DGKB: variants seen among roughly 807,000 people sequenced by gnomAD.
DGKB encodes the protein 90 kDa diacylglycerol kinase.
DGKB carries 67 observed loss-of-function variants against 114.3 expected under a neutral mutation model. The ratio of observed to expected loss-of-function variants is 0.59; its 90% CI spans 0.48 to 0.72. The LOEUF (loss-of-function observed/expected upper bound fraction) is 0.72, where lower values mean the gene tolerates loss of function less well. Ranked by LOEUF, DGKB falls within the 30% of genes least tolerant of loss-of-function variation. DGKB has a pLI of 0.00. For synonymous variants in DGKB, 398 were observed against 323.1 expected, an observed-to-expected ratio of 1.23 and a Z score of -2.49; for missense variants, 907 against 975.2, an observed-to-expected ratio of 0.93 and a Z score of 0.93.
chr7:14,462,003 C>T (rs1584123747), intron 21 of DGKB, among the ~76,000 whole-genome samples: 1 of 151,822 alleles, frequency 6.6e-6, no homozygotes, highest in Admixed American at 6.6e-5. Context: ...AAGGACAAAA[C>T]CCACATGATT....
chr7:14,877,214 T>C (rs1171320833), intron 1 of DGKB, among the ~76,000 whole-genome samples: 1 of 152,206 alleles, frequency 6.6e-6, no homozygotes, highest in Non-Finnish European at 1.5e-5. Context: ...ATACGATTGC[T>C]GAGAGCTGGC....
At chr7:14,385,920 T>A (rs927931909) in intron 21 of DGKB, among the ~76,000 whole-genome samples, 1 of 152,216 alleles carries the variant, frequency 6.6e-6, no homozygotes, top group South Asian at 2.1e-4. Context: ...AAGTCACAAG[T>A]ACTGCCAATA....
chr7:14,186,963 C>A (rs111355284), intron 23 of DGKB, among the ~76,000 whole-genome samples: 1 of 151,940 alleles, frequency 6.6e-6, no homozygotes, highest in African/African-American at 2.4e-5. Flanking sequence ...CAAATAACCA[C>A]TAAAAAACTT....
At chr7:14,509,283 C>T (rs772579009) in intron 20 of DGKB, among the ~76,000 whole-genome samples, 11 of 151,944 alleles carry the variant, frequency 7.2e-5, no homozygotes, top group Non-Finnish European at 1.5e-4. Context: ...AGTTGGTCTC[C>T]CCTGTGTGAG....
chr7:14,857,869 T>A (rs1043193897), intron 1 of DGKB, among the ~76,000 whole-genome samples: 101 of 152,270 alleles, frequency 6.6e-4, no homozygotes, highest in African/African-American at 2.4e-3. Flanking sequence ...ATTATACACT[T>A]TTTTCATACC....
chr7:14,551,317 G>A (rs1343388299), intron 20 of DGKB, among the ~76,000 whole-genome samples: 2 of 152,190 alleles, frequency 1.3e-5, no homozygotes, highest in Non-Finnish European at 2.9e-5. Flanking sequence ...GATTTCAGAA[G>A]AACTAATGTG....
chr7:14,730,310 T>G (rs1830718956), intron 5 of DGKB, among the ~76,000 whole-genome samples: 1 of 152,180 alleles, frequency 6.6e-6, no homozygotes, highest in African/African-American at 2.4e-5. Context: ...GGGACAGGGA[T>G]GCTACAAGGG....
intron 17 of DGKB, among the ~76,000 whole-genome samples, chr7:14,595,197 G>A (rs1482977370): frequency 6.6e-6 from 1 of 152,046 alleles, no homozygotes; most frequent in Non-Finnish European, 1.5e-5. Flanking sequence ...GGGTTGTTAT[G>A]TAAGAAGGAG....
intron 2 of DGKB, among the ~76,000 whole-genome samples, chr7:14,822,431 G>A (rs1323882946): frequency 6.6e-6 from 1 of 152,094 alleles, no homozygotes; most frequent in Non-Finnish European, 1.5e-5. Context: ...AGAAATTATG[G>A]ATCTAGAAGC....
chr7:14,435,554 T>TTAAAA (rs1398151012), intron 21 of DGKB, among the ~76,000 whole-genome samples: 7 of 152,240 alleles, frequency 4.6e-5, no homozygotes, highest in Non-Finnish European at 1.0e-4. Flanking sequence ...ATAATAAACT[T>TTAAAA]CAAATAAATG....
intron 2 of DGKB, among the ~76,000 whole-genome samples, chr7:14,760,850 G>C (rs925404172): frequency 6.6e-6 from 1 of 152,106 alleles, no homozygotes; most frequent in Non-Finnish European, 1.5e-5. Context: ...GAAGGGGAAA[G>C]CTCATAAAAT....
At chr7:14,260,094 AC>A (rs1261408955) in intron 23 of DGKB, among the ~76,000 whole-genome samples, 6 of 62,718 alleles carry the variant, frequency 9.6e-5, no homozygotes, top group South Asian at 1.5e-3. Context: ...GTGTACACAC[AC>A]ACACACACAC....
intron 2 of DGKB, among the ~76,000 whole-genome samples, chr7:14,806,052 A>T (rs1177797915): frequency 6.6e-6 from 1 of 151,808 alleles, no homozygotes; most frequent in Non-Finnish European, 1.5e-5. Flanking sequence ...TATTTTACTC[A>T]GAAAGTAGTT....
intron 23 of DGKB, among the ~76,000 whole-genome samples, chr7:14,306,393 G>A (rs1438055037): frequency 1.3e-5 from 2 of 152,074 alleles, no homozygotes; most frequent in East Asian, 3.9e-4. Flanking sequence ...TTAAGGAGGA[G>A]CTAATTGATT....
At chr7:14,526,483 T>C (rs1429830367) in intron 20 of DGKB, among the ~76,000 whole-genome samples, 2 of 152,078 alleles carry the variant, frequency 1.3e-5, no homozygotes, top group Non-Finnish European at 2.9e-5. Context: ...TCCAAAAGAT[T>C]ACAGCTCAAA....
At chr7:14,860,675 G>T (rs532470410) in intron 1 of DGKB, among the ~76,000 whole-genome samples, 62 of 151,858 alleles carry the variant, frequency 4.1e-4, no homozygotes, top group African/African-American at 1.5e-3. Context: ...CTGTTAGTTA[G>T]TTATTGATTT....
chr7:14,391,737 G>T (rs76412684), intron 21 of DGKB, among the ~76,000 whole-genome samples: 21 of 152,140 alleles, frequency 1.4e-4, no homozygotes, highest in Admixed American at 1.2e-3. Flanking sequence ...GCTCTTCTCC[G>T]TCTTTTAGAT....
intron 21 of DGKB, among the ~76,000 whole-genome samples, chr7:14,436,957 T>G (rs1008809747): frequency 6.6e-6 from 1 of 152,130 alleles, no homozygotes; most frequent in Non-Finnish European, 1.5e-5. Context: ...CTAGTATCCA[T>G]TAATTAACAC....
chr7:14,785,830 C>T (rs1839810985), intron 2 of DGKB, among the ~76,000 whole-genome samples: 1 of 151,852 alleles, frequency 6.6e-6, no homozygotes, highest in African/African-American at 2.4e-5. Flanking sequence ...ATATAGACTA[C>T]ATCAAATTTA....
Sources: allele counts gnomAD v4.1 joint callset (sites outside exome capture counted in the v4.1 genomes callset), GRCh38; gene constraint gnomAD v4.1.1; transcripts MANE v1.5; gene names NCBI Gene and HGNC (gene_info 2026-07-23, HGNC 2026-07-21).